ALDH7A1: variants seen among roughly 807,000 people sequenced by gnomAD.
The protein encoded by ALDH7A1 is alpha-aminoadipic semialdehyde dehydrogenase.
In ALDH7A1, 63 loss-of-function variants were observed where a neutral mutation model predicts 79.9. The ratio of observed to expected loss-of-function variants is 0.79; its 90% CI spans 0.64 to 0.97. The LOEUF (loss-of-function observed/expected upper bound fraction) is 0.97. ALDH7A1 is among the 50% of genes least tolerant of loss of function. The pLI is 0.00. For synonymous variants in ALDH7A1, 240 were observed against 231.2 expected (o/e 1.04, Z -0.34); for missense variants, 627 against 665.2 (o/e 0.94, Z 0.63).
rs1483492485 is a variant in ALDH7A1 at position 126,543,640 on chromosome 5, G to T, written c.*1325C>A. 6.6e-6 allele frequency: 1 copy of T among 152,118 alleles called. No individual in the cohort carries two copies. Among genetic ancestry groups the T allele is most frequent in the African/African-American group, 2.4e-5 (1 of 41,426 alleles). The allele number at this position is 152,118 out of a possible 1,614,324, so 9.4% of individuals were successfully genotyped here. ...ATCTCTCCACATCCTGATGGATCAG[G>T]TTGTCTACAAATGTCATCTTGTTCA... On this transcript the variant is annotated 3_prime_UTR_variant, in exon 18 of 18. Coordinates refer to ENST00000409134, the MANE Select transcript of ALDH7A1 (RefSeq NM_001182.5).
chr5:126,594,154 T>A (rs1561673458), intron 1 of ALDH7A1: 1 of 469,574 alleles, frequency 2.1e-6, no homozygotes, highest in Non-Finnish European at 4.4e-6. Flanking sequence ...GTAATGGGTA[T>A]CAGGCGCGGT....
intron 3 of ALDH7A1, among the ~76,000 whole-genome samples, chr5:126,589,907 C>T (rs1656268718): frequency 6.6e-6 from 1 of 151,076 alleles, no homozygotes; most frequent in African/African-American, 2.4e-5. Flanking sequence ...TGAGGAGCAC[C>T]TCTGCCCAGC....
chr5:126,591,296 G>A (rs1482616406), intron 3 of ALDH7A1, among the ~76,000 whole-genome samples: 1 of 151,948 alleles, frequency 6.6e-6, no homozygotes, highest in Non-Finnish European at 1.5e-5. Context: ...TTTTGATTGT[G>A]TATAATGGAA....
At chr5:126,567,260 T>G (rs557882457) in intron 9 of ALDH7A1, among the ~76,000 whole-genome samples, 1 of 152,208 alleles carries the variant, frequency 6.6e-6, no homozygotes, top group Admixed American at 6.6e-5. Context: ...GGTGGACGCA[T>G]CAGGTTATAA....
At chr5:126,568,602 A>G in intron 8 of ALDH7A1, 1 of 502,128 alleles carries the variant, frequency 2.0e-6, no homozygotes, top group Non-Finnish European at 3.6e-6. Flanking sequence ...GGAAGTTGTT[A>G]GGGAAGAAAG....
chr5:126,559,880 T>C (rs753651337), intron 10 of ALDH7A1, among the ~76,000 whole-genome samples: 9 of 152,042 alleles, frequency 5.9e-5, no homozygotes, highest in Non-Finnish European at 1.2e-4. Context: ...TACCCAGATA[T>C]ACAAGGGTAA....
intron 9 of ALDH7A1, 42 bp downstream of exon 9, chr5:126,568,217 A>G (rs1750655313): frequency 6.3e-7 from 1 of 1,589,124 alleles, no homozygotes; most frequent in African/African-American, 1.3e-5. Context: ...TCACCTCCAT[A>G]TTTGAGAGAA....
chr5:126,580,911 G>A (rs1047703321), intron 5 of ALDH7A1, among the ~76,000 whole-genome samples: 1 of 150,750 alleles, frequency 6.6e-6, no homozygotes, highest in African/African-American at 2.4e-5. Flanking sequence ...CGCCACCTCC[G>A]CCTCCCGGGT....
chr5:126,552,001 C>T lies in ALDH7A1; in HGVS notation c.1317+20G>A, dbSNP rs17597559. Reference sequence around the variant, plus strand: ...ATCATTTATTTCAACATCAGGCTAGCGAACAGAATGCATTTTTACCTTGAA... The same window carrying T: ...ATCATTTATTTCAACATCAGGCTAGTGAACAGAATGCATTTTTACCTTGAA... On this transcript the variant is annotated intron_variant, in intron 14 of 17. Coordinates refer to ENST00000409134, the MANE Select transcript of ALDH7A1 (RefSeq NM_001182.5). The T allele has an allele frequency of 3.8e-4, 594 of 1,549,736 alleles. 4 individuals are homozygous for T. In the East Asian group the frequency reaches 9.6e-3, roughly 25 times the overall value.
At chr5:126,589,489 T>C (rs577773576) in intron 3 of ALDH7A1, among the ~76,000 whole-genome samples, 63 of 151,890 alleles carry the variant, frequency 4.1e-4, no homozygotes, top group African/African-American at 1.4e-3. Context: ...TAAGTATATA[T>C]GTATAGGAAG....
Position 126,542,011 on chromosome 5 carries a change from T to A in ALDH7A1, c.*2954A>T, listed in dbSNP as rs1749611830. On this transcript the variant is annotated 3_prime_UTR_variant, in exon 18 of 18. Coordinates refer to ENST00000409134, the MANE Select transcript of ALDH7A1 (RefSeq NM_001182.5). The stretch of plus-strand genomic sequence containing the variant: ...CTCTAACTGCCTACAACATTTTAAA[T>A]CTAGAATCCTATATTCAATCAATAT... 6.6e-6 allele frequency: 1 copy of A among 151,378 alleles called. No individual in the cohort carries two copies. Among genetic ancestry groups the A allele is most frequent in the Non-Finnish European group, 1.5e-5 (1 of 67,912 alleles). 9.4% of individuals were successfully genotyped at this position (151,378 alleles called of 1,614,324 possible). A position where few individuals can be genotyped will look rare whatever the true frequency, so the allele number is the denominator to read the frequency against.
chr5:126,595,171 C>A lies in ALDH7A1; in HGVS notation c.28G>T (p.Val10Leu), dbSNP rs1282698782. The change falls in exon 1 of 18, where the codon GTG becomes TTG. Residue 10 changes from valine (V) to leucine (L), a missense_variant. Transcript: ENST00000409134. ...AGCTTGCTGGTCTTTGCAGCGTGCA[C>A]ACACAGCGCGCGAGGAAGGCGCCAC... MWRLPRALC[V>L]HAAKTSKLSG... 2 of 1,553,764 alleles carry A rather than the reference C, an allele frequency of 1.3e-6. No homozygotes were observed. The highest frequency in any genetic ancestry group is 2.0e-5 in the Admixed American group (1 of 51,234).
At chr5:126,561,167 C>T (rs776902689) in intron 9 of ALDH7A1, 43 bp from the exon 10 acceptor site, 1 of 1,478,780 alleles carries the variant, frequency 6.8e-7, no homozygotes, top group Non-Finnish European at 9.3e-7. Context: ...TGCCTACTTC[C>T]ATATTTACTG....
At chr5:126,552,193 G>T in intron 13 of ALDH7A1, 56 bp from the exon 14 acceptor site, 1 of 1,377,412 alleles carries the variant, frequency 7.3e-7, no homozygotes, top group Non-Finnish European at 1.0e-6. Flanking sequence ...CTAGGACTTG[G>T]GGTCAGAGGA....
chr5:126,550,631 A>G (rs1381424296), intron 14 of ALDH7A1, among the ~76,000 whole-genome samples: 1 of 146,036 alleles, frequency 6.8e-6, no homozygotes, highest in Non-Finnish European at 1.6e-5. Context: ...TCCTCATCCT[A>G]TAACACAGGT....
chr5:126,545,044 A>T (rs1749740889), intron 17 of ALDH7A1, 25 bp from the exon 18 acceptor site: 1 of 1,538,266 alleles, frequency 6.5e-7, no homozygotes, highest in Admixed American at 1.7e-5. Flanking sequence ...TAACAGAATT[A>T]ATGACAGTAC....
At chr5:126,565,123 G>T (rs138877587) in intron 9 of ALDH7A1, among the ~76,000 whole-genome samples, 1 of 152,038 alleles carries the variant, frequency 6.6e-6, no homozygotes, top group Non-Finnish European at 1.5e-5. Flanking sequence ...GGCCTGGTGC[G>T]GTGGCTTATG....
chr5:126,592,620 C>A, intron 3 of ALDH7A1, 44 bp downstream of exon 3: 1 of 1,588,366 alleles, frequency 6.3e-7, no homozygotes, highest in Non-Finnish European at 8.6e-7. Flanking sequence ...TTACAATAGG[C>A]AAAGTGATCT....
At chr5:126,552,259 T>G (rs1372055838) in intron 13 of ALDH7A1, 122 bp from the exon 14 acceptor site, 8 of 701,548 alleles carry the variant, frequency 1.1e-5, no homozygotes, top group African/African-American at 1.8e-5. Context: ...ATAGGTGAAT[T>G]ATTTCTCCAA....
Sources: allele counts gnomAD v4.1 joint callset (sites outside exome capture counted in the v4.1 genomes callset), GRCh38; gene constraint gnomAD v4.1.1; transcripts MANE v1.5; gene names NCBI Gene and HGNC (gene_info 2026-07-23, HGNC 2026-07-21).